ZNF91: variants seen among roughly 807,000 people sequenced by gnomAD.
The protein encoded by ZNF91 is zinc finger protein 91 (HPF7, HTF10).
In ZNF91, 7 loss-of-function variants were observed where a neutral mutation model predicts 12.6. That is an observed-to-expected ratio of 0.55 (90% CI 0.31 to 1.04). The LOEUF is 1.04. ZNF91 is among the 50% of genes least tolerant of loss of function. The pLI, the probability that ZNF91 is intolerant of heterozygous loss-of-function variation, is 0.05. For missense variants in ZNF91, 1,217 were observed against 1,385.4 expected, an observed-to-expected ratio of 0.88 and a Z score of 1.93; for synonymous variants, 453 against 462.6, an observed-to-expected ratio of 0.98 and a Z score of 0.27.
At chr19:23,347,127 C>T (rs1449623750) in intron 3 of ZNF91, among the ~76,000 whole-genome samples, 1 of 152,082 alleles carries the variant, frequency 6.6e-6, no homozygotes, top group Non-Finnish European at 1.5e-5. Context: ...CCCCTACACA[C>T]TGTTCAAGCC....
chr19:23,318,817 A>G lies in ZNF91; in HGVS notation n.117-9720T>C, dbSNP rs540846245. Among the ~76,000 whole-genome samples, 42 of 152,258 alleles carry G rather than the reference A, an allele frequency of 2.8e-4. 1 individual carries two copies. Among genetic ancestry groups the G allele is most frequent in the Middle Eastern group, 6.8e-3 (2 of 294 alleles). ...TTGCCCACAGGGGTCACTGCAATGT[A>G]TCTCTGGGCCCATTACCTAGATGGT... is the stretch of plus-strand genomic sequence containing the variant. On this transcript the variant is annotated intron_variant and non_coding_transcript_variant, in intron 1 of 1. Transcript: ENST00000596528.
intron 1 of ZNF91, among the ~76,000 whole-genome samples, chr19:23,379,213 C>G (rs1969611154): frequency 6.6e-6 from 1 of 152,084 alleles, no homozygotes; most frequent in South Asian, 2.1e-4. Context: ...ACCAAATAGG[C>G]AGAGACACAA....
chr19:23,369,540 C>A (rs1447731941), intron 3 of ZNF91, among the ~76,000 whole-genome samples: 1 of 152,026 alleles, frequency 6.6e-6, no homozygotes, highest in Non-Finnish European at 1.5e-5. Context: ...GCCATGATGA[C>A]GATGGCAGTT....
chr19:23,365,939 C>T (rs1968987758), intron 3 of ZNF91, among the ~76,000 whole-genome samples: 1 of 152,234 alleles, frequency 6.6e-6, no homozygotes, highest in Admixed American at 6.5e-5. Flanking sequence ...TAGTACAGAA[C>T]AAAGTGAAAA....
chr19:23,368,516 C>CA (rs1969112672), intron 3 of ZNF91, among the ~76,000 whole-genome samples: 1 of 13,706 alleles, frequency 7.3e-5, no homozygotes, highest in East Asian at 1.3e-3. Context: ...CTCCATCTCT[C>CA]TCTCTCTCTC....
chr19:23,345,444 A>G (rs1385586547), intron 3 of ZNF91, among the ~76,000 whole-genome samples: 1 of 152,150 alleles, frequency 6.6e-6, no homozygotes, highest in Non-Finnish European at 1.5e-5. Context: ...ATTTTAACTG[A>G]CTTAATCAAT....
intron 1 of ZNF91, chr19:23,324,322 C>G (rs904454703): frequency 2.0e-5 from 3 of 150,764 alleles, no homozygotes; most frequent in Non-Finnish European, 4.4e-5. Context: ...TTTCCTCCTC[C>G]TTTTCTTCTC....
At chr19:23,387,950 A>AC (rs1335245425) in intron 1 of ZNF91, among the ~76,000 whole-genome samples, 2 of 146,566 alleles carry the variant, frequency 1.4e-5, no homozygotes, top group East Asian at 4.1e-4. Context: ...TCAAAAAAAA[A>AC]AAAAAAAAAA....
At chr19:23,329,972 G>A (rs139509305) in intron 1 of ZNF91, among the ~76,000 whole-genome samples, 1 of 152,248 alleles carries the variant, frequency 6.6e-6, no homozygotes, top group East Asian at 1.9e-4. Context: ...GTCTCACTTG[G>A]CTGCACAGCC....
At chr19:23,316,251 C>T (rs1236009136) in intron 1 of ZNF91, among the ~76,000 whole-genome samples, 3 of 151,162 alleles carry the variant, frequency 2.0e-5, no homozygotes, top group Non-Finnish European at 4.4e-5. Flanking sequence ...ATGGAAGGCT[C>T]CGCCTGGGGC....
At chr19:23,357,607 C>T (rs1968524588), downstream of ZNF91, 1 of 152,108 alleles carries the variant, frequency 6.6e-6, no homozygotes, top group South Asian at 2.1e-4. Flanking sequence ...TCAATACTAA[C>T]AGTCCATATG....
rs1156894708 is a variant in ZNF91, at chr19:23,360,224, A to C, written c.2755T>G (p.Phe919Val). ...GTAGTAAGGTGTGAAGGCTGGCTAA[A>C]TGCTTTGCCACATTCTTCACATTTG... is the stretch of plus-strand genomic sequence containing the variant. ...TYKCEECGKA[F>V]SQPSHLTTHK... Residue 919 changes from phenylalanine (F) to valine (V), a missense_variant, in exon 4 of 4, where the codon TTT becomes GTT. Coordinates refer to ENST00000300619, the MANE Select transcript of ZNF91 (RefSeq NM_003430.4). The C allele has an allele frequency of 1.2e-6, 2 of 1,613,810 alleles. No individual in the cohort carries two copies. The highest frequency in any genetic ancestry group is 1.7e-6 in the Non-Finnish European group (2 of 1,180,018).
At chr19:23,328,485 GAAA>G in intron 1 of ZNF91, 1 of 152,192 alleles carries the variant, frequency 6.6e-6, no homozygotes, top group Non-Finnish European at 1.5e-5. Context: ...TCTGGAAGAA[GAAA>G]AGACACTGAA....
intron 1 of ZNF91, among the ~76,000 whole-genome samples, chr19:23,375,378 CTCGA>C (rs1969469436): frequency 6.6e-6 from 1 of 152,090 alleles, no homozygotes; most frequent in Non-Finnish European, 1.5e-5. Context: ...CCAGGATGGT[CTCGA>C]TCTCCTGACC....
chr19:23,376,550 C>T (rs927026478), intron 1 of ZNF91, among the ~76,000 whole-genome samples: 1 of 152,024 alleles, frequency 6.6e-6, no homozygotes. Flanking sequence ...TCACCACACC[C>T]AGCTAATTTT....
In ZNF91 at chr19:23,362,320, T is replaced by C. The variant is rs755220138; in HGVS notation, c.659A>G (p.His220Arg). The change falls in exon 4 of 4, where the codon CAT becomes CGT. Residue 220 changes from histidine (H) to arginine (R), a missense_variant. Coordinates refer to ENST00000300619, the MANE Select transcript of ZNF91 (RefSeq NM_003430.4). The part of the protein sequence containing the change: ...CKCKECEKTF[H>R]WSSTLTNHKE... ...ATGATTAGTAAGGGTTGAGGACCAA[T>C]GAAAGGTTTTTTCACATTCTTTACA... The C allele has an allele frequency of 5.6e-6, 9 of 1,613,518 alleles. No individual in the cohort carries two copies. Among genetic ancestry groups the C allele is most frequent in the African/African-American group, 1.3e-5 (1 of 74,888 alleles).
At chr19:23,365,571 CTT>C (rs370180013) in intron 3 of ZNF91, among the ~76,000 whole-genome samples, 4 of 145,486 alleles carry the variant, frequency 2.7e-5, no homozygotes, top group Non-Finnish European at 3.0e-5. Context: ...ATATAGAAGT[CTT>C]TTTTTTTTTT....
chr19:23,317,072 G>A (rs1967577822), intron 1 of ZNF91, among the ~76,000 whole-genome samples: 1 of 151,310 alleles, frequency 6.6e-6, no homozygotes, highest in African/African-American at 2.4e-5. Flanking sequence ...TTGAGGCGGA[G>A]TCTCGCTCTG....
In ZNF91 at chr19:23,358,683, G is replaced by A. The variant is rs3745111; in HGVS notation, c.*720C>T. ...GGTGTGAGCATTAGTTCAAAGCTTG[G>A]CCACATTGTTCACACTGGTAGTTTT... On this transcript the variant is annotated 3_prime_UTR_variant, in exon 4 of 4. Coordinates refer to ENST00000300619, the MANE Select transcript of ZNF91 (RefSeq NM_003430.4). 0.01 allele frequency: 1,594 copies of A among 155,176 alleles called. 82 individuals carry two copies. The highest frequency in any genetic ancestry group is 0.081 in the Admixed American group (1,249 of 15,422). 9.6% of individuals were successfully genotyped at this position (155,176 alleles called of 1,614,324 possible). A position where few individuals can be genotyped will look rare whatever the true frequency, so the allele number is the denominator to read the frequency against.
Sources: gnomAD v4.1 joint callset for allele counts (sites outside exome capture counted in the v4.1 genomes callset) on GRCh38, gnomAD v4.1.1 for gene constraint, MANE v1.5 for transcripts, NCBI Gene and HGNC (gene_info 2026-07-23, HGNC 2026-07-21) for gene names.